Variants in PIWIL2 observed in about 807,000 individuals in gnomAD.
PIWIL2 encodes the protein piwi-like protein 2.
In PIWIL2, 81 loss-of-function variants were observed where a neutral mutation model predicts 116.5. That is an observed-to-expected ratio of 0.70 (90% CI 0.58 to 0.84). PIWIL2 has a LOEUF of 0.84. Among genes scored for constraint, PIWIL2 ranks in the 40% least tolerant of loss-of-function variants. The probability of loss-of-function intolerance (pLI) is 0.00; values close to 1 mark genes in which losing one functional copy is unlikely to be tolerated. For synonymous variants in PIWIL2, 489 were observed against 429.5 expected (o/e 1.14, Z -1.71); for missense variants, 1,272 against 1,212.3 (o/e 1.05, Z -0.73).
At chr8:22,290,010 T>C in intron 9 of PIWIL2, 83 bp downstream of exon 9, 1 of 908,746 alleles carries the variant, frequency 1.1e-6, no homozygotes, top group Non-Finnish European at 1.8e-6. Flanking sequence ...AGTACTATAA[T>C]GTCAGCAGTA....
At chr8:22,351,465 A>ATATATATATATATATATATATG (rs1832358051) in intron 20 of PIWIL2, among the ~76,000 whole-genome samples, 1 of 92,940 alleles carries the variant, frequency 1.1e-5, no homozygotes, top group African/African-American at 5.5e-5. Flanking sequence ...ATATATATAT[A>ATATATATATATATATATATATG]TATATATATA....
At chr8:22,327,374 T>G (rs189643807) in intron 20 of PIWIL2, among the ~76,000 whole-genome samples, 217 of 149,888 alleles carry the variant, frequency 1.4e-3, no homozygotes, top group East Asian at 4.3e-3. Context: ...GTTTCGTTTT[T>G]TTTTTTTTTT....
rs776515661 is a variant in PIWIL2, at chr8:22,314,360, G to A, written c.2022G>A (p.Met674Ile). The A allele has an allele frequency of 1.9e-6, 3 of 1,578,728 alleles. No individual in the cohort carries two copies. The highest frequency in any genetic ancestry group is 1.8e-5 in the Admixed American group (1 of 56,458). The change falls in exon 17 of 23, where the codon ATG becomes ATA. Residue 674 changes from methionine to isoleucine, a missense_variant. Met to Ile is a conservative substitution (Grantham distance 10). Coordinates refer to ENST00000356766, the MANE Select transcript of PIWIL2 (RefSeq NM_018068.5). ...GKIQMVVCII[M>I]GPRDDLYGAI... ...TACAGATGGTTGTTTGCATCATCAT[G>A]GGCCCACGTGATGATCTCTATGGGG...
intron 20 of PIWIL2, among the ~76,000 whole-genome samples, chr8:22,352,106 G>A (rs1043263354): frequency 6.6e-6 from 1 of 151,992 alleles, no homozygotes; most frequent in Non-Finnish European, 1.5e-5. Flanking sequence ...CACCATGCCT[G>A]TGTAATTTTT....
At chr8:22,336,099 A>C (rs1377862366) in intron 20 of PIWIL2, among the ~76,000 whole-genome samples, 1 of 152,224 alleles carries the variant, frequency 6.6e-6, no homozygotes, top group Non-Finnish European at 1.5e-5. Context: ...AATTAGATGT[A>C]AGATCAACAA....
In PIWIL2 at chr8:22,308,896, C is replaced by G. The variant is rs1436127340; in HGVS notation, c.1686+823C>G. Among the ~76,000 whole-genome samples the G allele has an allele frequency of 2.0e-5, 3 of 152,106 alleles. No individual in the cohort carries two copies. The East Asian group carries it at 5.8e-4, about 29-fold the overall frequency. ...GAGCTCCTGACCTCAAATGATCCGC[C>G]TACCTTAGCCTCCCAAAGTGTTAGG... On this transcript the variant is annotated intron_variant, in intron 14 of 22. Coordinates refer to ENST00000356766, the MANE Select transcript of PIWIL2 (RefSeq NM_018068.5).
At chr8:22,340,751 T>G (rs1044546746) in intron 20 of PIWIL2, among the ~76,000 whole-genome samples, 1 of 152,140 alleles carries the variant, frequency 6.6e-6, no homozygotes, top group African/African-American at 2.4e-5. Context: ...CATAGAGTCT[T>G]TCTGTGTCAC....
In PIWIL2 at chr8:22,350,017, C is replaced by T. The variant is rs957834281; in HGVS notation, c.2404-2942C>T. On this transcript the variant is annotated intron_variant, in intron 20 of 22. Coordinates refer to ENST00000356766, the MANE Select transcript of PIWIL2 (RefSeq NM_018068.5). ...CCTCCCAGTGGGTGATATATAAAGG[C>T]GTTTTTAGTCATAAGGGTGAGAGGT... 5.3e-5 allele frequency among the ~76,000 whole-genome samples: 8 copies of T among 152,136 alleles called. No individual in the cohort carries two copies. In the South Asian group the frequency reaches 8.3e-4, roughly 16 times the overall value.
chr8:22,357,525 A>G lies in PIWIL2; in HGVS notation c.*2020A>G, dbSNP rs1832511925. 6.6e-6 allele frequency: 1 copy of G among 152,170 alleles called. No homozygotes were observed. The highest frequency in any genetic ancestry group is 2.4e-5 in the African/African-American group (1 of 41,422). 9.4% of individuals were successfully genotyped at this position (152,170 alleles called of 1,614,324 possible). On this transcript the variant is annotated 3_prime_UTR_variant, in exon 23 of 23. Transcript: ENST00000356766. ...CCTCGTTTTTCGGTTTTAATGCCAA[A>G]TGATTGGGTCATGGGGTGGGAAATA... is the stretch of plus-strand genomic sequence containing the variant.
rs150594868 is a variant in PIWIL2, at chr8:22,305,705, A to G, written c.1456-222A>G. ...TTTACTCTCCTTTGACAGTTTTAGT[A>G]TTTTTCCTTTGACCTAATACAACAG... On this transcript the variant is annotated intron_variant, in intron 12 of 22. Transcript: ENST00000356766. Among the ~76,000 whole-genome samples, 24 of 151,488 alleles carry G rather than the reference A, an allele frequency of 1.6e-4. No individual in the cohort carries two copies. The East Asian group carries it at 4.7e-3, about 29-fold the overall frequency.
At chr8:22,341,929 A>C (rs1287893763) in intron 20 of PIWIL2, among the ~76,000 whole-genome samples, 1 of 151,322 alleles carries the variant, frequency 6.6e-6, no homozygotes, top group Admixed American at 6.6e-5. Context: ...CTAGTAAGTG[A>C]GAATTGCAAG....
intron 7 of PIWIL2, among the ~76,000 whole-genome samples, chr8:22,288,100 C>G (rs913399444): frequency 3.3e-5 from 5 of 152,032 alleles, no homozygotes; most frequent in Admixed American, 2.6e-4. Flanking sequence ...AGATTGAGAC[C>G]ATCCTGGCTA....
chr8:22,299,488 G>C (rs1223723684), intron 10 of PIWIL2, among the ~76,000 whole-genome samples: 2 of 152,064 alleles, frequency 1.3e-5, no homozygotes, highest in South Asian at 2.1e-4. Context: ...GATTGCAAGC[G>C]TGAGCCACCG....
chr8:22,347,625 C>G lies in PIWIL2; in HGVS notation c.2404-5334C>G, dbSNP rs1257351942. ...CACTGCAGCCTCCGCCTCTCGGGTT[C>G]AAGCTGTTCTCCTACCTCAGCCTCC... On this transcript the variant is annotated intron_variant, in intron 20 of 22. Transcript: ENST00000356766. 2.7e-5 allele frequency among the ~76,000 whole-genome samples: 4 copies of G among 148,570 alleles called. No homozygotes were observed. The Admixed American group carries it at 2.7e-4, about 10-fold the overall frequency.
chr8:22,307,505 T>C (rs1225370700), intron 13 of PIWIL2, among the ~76,000 whole-genome samples: 1 of 134,414 alleles, frequency 7.4e-6, no homozygotes, highest in Non-Finnish European at 1.5e-5. Flanking sequence ...TTTTTGGAGA[T>C]AGTATCTTGC....
At chr8:22,307,549 C>G (rs867079576) in intron 13 of PIWIL2, among the ~76,000 whole-genome samples, 4 of 132,770 alleles carry the variant, frequency 3.0e-5, no homozygotes, top group Non-Finnish European at 4.6e-5. Flanking sequence ...GTGGTACAAT[C>G]ATGGCTCACT....
At chr8:22,290,430 C>A in intron 10 of PIWIL2, 84 bp downstream of exon 10, 1 of 733,848 alleles carries the variant, frequency 1.4e-6, no homozygotes. Context: ...ACACATTAGA[C>A]ATTGTTCTGT....
rs56755716 is a variant in PIWIL2, at chr8:22,307,473, ATTTTTTTT to A, written c.1546-441_1546-434del. ...GACATTTGAAATTCTTTTATTATTC[ATTTTTTTT>A]TTTTTTTTTTTTTTTTTTGGAGATA... On this transcript the variant is annotated intron_variant, in intron 13 of 22. Transcript: ENST00000356766. Among the ~76,000 whole-genome samples, 57 of 111,232 alleles carry A rather than the reference ATTTTTTTT, an allele frequency of 5.1e-4. 3 individuals carry two copies. Among genetic ancestry groups the A allele is most frequent in the African/African-American group, 1.7e-3 (39 of 22,652 alleles). 73.0% of individuals were successfully genotyped at this position (111,232 alleles called of 152,430 possible). A position where few individuals can be genotyped will look rare whatever the true frequency, so the allele number is the denominator to read the frequency against.
intron 10 of PIWIL2, among the ~76,000 whole-genome samples, chr8:22,300,082 A>G (rs1831010186): frequency 6.6e-6 from 1 of 151,932 alleles, no homozygotes; most frequent in Non-Finnish European, 1.5e-5. Context: ...GCCTGCCACC[A>G]CGCCCAGCTA....
Sources: gnomAD v4.1 joint callset for allele counts (sites outside exome capture counted in the v4.1 genomes callset) on GRCh38, gnomAD v4.1.1 for gene constraint, MANE v1.5 for transcripts, NCBI Gene and HGNC (gene_info 2026-07-23, HGNC 2026-07-21) for gene names.